NPY4R2: variants seen among roughly 807,000 people sequenced by gnomAD.
NPY4R2 encodes neuropeptide Y receptor type 4-2.
For missense variants in NPY4R2, 7 were observed against 268.8 expected (o/e 0.03, Z 6.81); for synonymous variants, 6 against 115.2 (o/e 0.05, Z 6.07).
chr10:47,918,407 AAGAAAGAAAGAAAGAAAGAAAGAAAG>A (rs782102787), upstream of NPY4R2, among the ~76,000 whole-genome samples: 1 of 28,174 alleles, frequency 3.5e-5, no homozygotes, highest in Non-Finnish European at 6.8e-5. Context: ...GAAAGAAAGA[AAGAAAGAAAGAAAGAAAGAAAGAAAG>A]AGAGAGAGAA....
At chr10:47,921,624 C>T (rs1336270459) in intron 2 of NPY4R2, among the ~76,000 whole-genome samples, 1 of 148,562 alleles carries the variant, frequency 6.7e-6, no homozygotes, top group Non-Finnish European at 1.5e-5. Flanking sequence ...TGACTATGGG[C>T]AAGTTGCTTT....
chr10:47,918,428 A>AG (rs1554991171), upstream of NPY4R2, among the ~76,000 whole-genome samples: 6 of 34,648 alleles, frequency 1.7e-4, 2 homozygotes, highest in Admixed American at 5.5e-4. Flanking sequence ...AAAGAAAGAA[A>AG]GAAAGAGAGA....
chr10:47,918,383 G>GAAAGAAAGAA (rs1555252051), upstream of NPY4R2, among the ~76,000 whole-genome samples: 6 of 10,484 alleles, frequency 5.7e-4, no homozygotes, highest in African/African-American at 1.7e-3. Flanking sequence ...GAGAGAGAGA[G>GAAAGAAAGAA]AGAAAGAAAG....
upstream of NPY4R2, among the ~76,000 whole-genome samples, chr10:47,918,372 AGAGAGAGAGAG>A (rs1841688134): frequency 5.0e-5 from 1 of 20,178 alleles, no homozygotes; most frequent in Non-Finnish European, 8.8e-5. Flanking sequence ...AGAGAGAGAG[AGAGAGAGAGAG>A]AGAAAGAAAG....
At chr10:47,921,210 GTGTGCTGA>G (rs1841741046) in intron 2 of NPY4R2, among the ~76,000 whole-genome samples, 2 of 129,908 alleles carry the variant, frequency 1.5e-5, no homozygotes, top group African/African-American at 5.6e-5. Flanking sequence ...GAAGAAGCTG[GTGTGCTGA>G]TGAGCCAGGC....
upstream of NPY4R2, among the ~76,000 whole-genome samples, chr10:47,916,498 C>A (rs1589087714): frequency 8.1e-6 from 1 of 123,794 alleles, no homozygotes; most frequent in East Asian, 2.3e-4. Flanking sequence ...AGAGCTTGGA[C>A]TTTGGATTGA....
chr10:47,918,374 AGAGAG>A (rs1841688482), upstream of NPY4R2, among the ~76,000 whole-genome samples: 3 of 19,696 alleles, frequency 1.5e-4, no homozygotes, highest in African/African-American at 1.0e-3. Flanking sequence ...AGAGAGAGAG[AGAGAG>A]AGAGAGAAAG....
chr10:47,914,747 AG>A (rs1841148397), upstream of NPY4R2, among the ~76,000 whole-genome samples: 1 of 136,364 alleles, frequency 7.3e-6, no homozygotes, highest in African/African-American at 2.8e-5. Context: ...AGTCATGCTT[AG>A]TTTTCAAGGA....
At chr10:47,918,314 C>T (rs1554991324), upstream of NPY4R2, among the ~76,000 whole-genome samples, 1 of 10,618 alleles carries the variant, frequency 9.4e-5, no homozygotes, top group Non-Finnish European at 1.7e-4. Flanking sequence ...AGAAACACTC[C>T]TGGAGAAAGA....
upstream of NPY4R2, among the ~76,000 whole-genome samples, chr10:47,918,435 G>GAA (rs1841698454): frequency 2.8e-5 from 1 of 35,094 alleles, no homozygotes; most frequent in Non-Finnish European, 5.9e-5. Flanking sequence ...GAAAGAAAGA[G>GAA]AGAGAGAAAG....
chr10:47,918,386 A>AG (rs1841690843), upstream of NPY4R2, among the ~76,000 whole-genome samples: 4 of 14,218 alleles, frequency 2.8e-4, no homozygotes, highest in African/African-American at 2.7e-3. Context: ...AGAGAGAGAG[A>AG]AAGAAAGAAA....
chr10:47,918,370 AGAGAGAGAGAGAG>A (rs1841687516), upstream of NPY4R2, among the ~76,000 whole-genome samples: 1,410 of 20,072 alleles, frequency 0.07, 106 homozygotes, highest in African/African-American at 0.085. Flanking sequence ...AGAGAGAGAG[AGAGAGAGAGAGAG>A]AGAAAGAAAG....
chr10:47,920,195 G>T (rs1841709710), intron 1 of NPY4R2, among the ~76,000 whole-genome samples: 1 of 83,448 alleles, frequency 1.2e-5, no homozygotes, highest in Non-Finnish European at 2.2e-5. Flanking sequence ...TAAACTATCA[G>T]GTGAATTCAC....
At chr10:47,916,615 T>C (rs1343252701), upstream of NPY4R2, among the ~76,000 whole-genome samples, 4 of 134,896 alleles carry the variant, frequency 3.0e-5, no homozygotes, top group African/African-American at 1.0e-4. Flanking sequence ...CCACACCAGT[T>C]AGGCATGAGG....
upstream of NPY4R2, among the ~76,000 whole-genome samples, chr10:47,916,716 C>T (rs1349292273): frequency 7.6e-6 from 1 of 132,372 alleles, no homozygotes. Context: ...TGTTCTCTGA[C>T]CCACAAGAGC....
chr10:47,918,423 A>G (rs1475457375), upstream of NPY4R2, among the ~76,000 whole-genome samples: 1 of 35,096 alleles, frequency 2.8e-5, no homozygotes, highest in African/African-American at 1.5e-4. Flanking sequence ...GAAAGAAAGA[A>G]AGAAAGAAAG....
At chr10:47,914,929 C>T (rs1554992449), upstream of NPY4R2, among the ~76,000 whole-genome samples, 4 of 152,388 alleles carry the variant, frequency 2.6e-5, no homozygotes, top group African/African-American at 9.6e-5. Context: ...GTTTATTCAT[C>T]TTGACCTATC....
At chr10:47,915,244 CA>C (rs1554992365), upstream of NPY4R2, among the ~76,000 whole-genome samples, 3,872 of 140,368 alleles carry the variant, frequency 0.028, no homozygotes, top group Middle Eastern at 0.058. Context: ...GCAACATCTA[CA>C]CAAGCCTGGA....
chr10:47,921,689 C>G (rs1461330102), intron 2 of NPY4R2, among the ~76,000 whole-genome samples: 2 of 150,466 alleles, frequency 1.3e-5, no homozygotes, highest in Non-Finnish European at 3.0e-5. Flanking sequence ...ATATCTACCT[C>G]TAGGAATAAA....
Sources: allele counts gnomAD v4.1 joint callset (sites outside exome capture counted in the v4.1 genomes callset), GRCh38; gene constraint gnomAD v4.1.1; transcripts MANE v1.5; gene names NCBI Gene and HGNC (gene_info 2026-07-23, HGNC 2026-07-21).